The following NAV3 variants were observed in gnomAD, a reference collection of about 807,000 sequenced individuals.
NAV3 encodes neuron navigator 3, also known as pore membrane and/or filament interacting like protein 1.
A neutral mutation model predicts 244.7 loss-of-function variants in NAV3; 87 were observed. That is an observed-to-expected ratio of 0.36 (90% CI 0.30 to 0.42). The LOEUF (loss-of-function observed/expected upper bound fraction) is 0.42, where lower values mean the gene tolerates loss of function less well. Ranked by LOEUF, NAV3 falls within the 20% of genes least tolerant of loss-of-function variation. NAV3 has a pLI of 1.00. For synonymous variants in NAV3, 1,126 were observed against 1,042.2 expected (o/e 1.08, Z -1.55); for missense variants, 2,663 against 2,893.3 (o/e 0.92, Z 1.83).
intron 2 of NAV3, among the ~76,000 whole-genome samples, chr12:77,715,451 A>T (rs929279735): frequency 6.6e-5 from 10 of 151,962 alleles, no homozygotes; most frequent in Non-Finnish European, 1.5e-5. Context: ...ACAAATGTTT[A>T]TTTATATATA....
chr12:77,692,118 G>A (rs945221722), intron 2 of NAV3, among the ~76,000 whole-genome samples: 2 of 151,864 alleles, frequency 1.3e-5, no homozygotes, highest in Non-Finnish European at 2.9e-5. Flanking sequence ...GTTTATAATC[G>A]TTGTGCAATA....
chr12:77,747,486 G>A (rs1191879946), intron 2 of NAV3, among the ~76,000 whole-genome samples: 1 of 152,130 alleles, frequency 6.6e-6, no homozygotes, highest in African/African-American at 2.4e-5. Flanking sequence ...GATTCCTCAG[G>A]GATGTAGAAC....
At chr12:77,824,241 A>ATTTTTTTTTTTTTTTTTTTT (rs61710960) in intron 2 of NAV3, among the ~76,000 whole-genome samples, 10 of 104,902 alleles carry the variant, frequency 9.5e-5, no homozygotes, top group Non-Finnish European at 1.3e-4. Context: ...GCCCAACTAA[A>ATTTTTTTTTTTTTTTTTTTT]TTTTTTTTTT....
At chr12:77,925,756 A>G (rs1170297403) in intron 1 of NAV3, among the ~76,000 whole-genome samples, 1 of 152,168 alleles carries the variant, frequency 6.6e-6, no homozygotes, top group East Asian at 1.9e-4. Flanking sequence ...AGAGACACCA[A>G]CTGCAGAAAG....
chr12:77,667,484 C>T (rs1404359438), intron 2 of NAV3, among the ~76,000 whole-genome samples: 1 of 151,996 alleles, frequency 6.6e-6, no homozygotes, highest in East Asian at 1.9e-4. Context: ...TTGTGGCTTC[C>T]CCCCACTTCC....
chr12:77,686,445 T>A (rs1217903072), intron 2 of NAV3, among the ~76,000 whole-genome samples: 2 of 142,650 alleles, frequency 1.4e-5, no homozygotes, highest in African/African-American at 5.6e-5. Flanking sequence ...TTTTTTTTTT[T>A]TTAAAAACAG....
intron 2 of NAV3, among the ~76,000 whole-genome samples, chr12:77,654,676 C>A (rs1263670424): frequency 2.0e-5 from 3 of 152,152 alleles, no homozygotes; most frequent in South Asian, 2.1e-4. Flanking sequence ...TGACCCCTGA[C>A]CCCTGAGCAG....
chr12:77,847,607 A>G (rs1275621712), intron 1 of NAV3, among the ~76,000 whole-genome samples: 2 of 152,228 alleles, frequency 1.3e-5, no homozygotes, highest in Non-Finnish European at 2.9e-5. Flanking sequence ...TTAATTCTGT[A>G]TAACATTTTC....
intron 2 of NAV3, among the ~76,000 whole-genome samples, chr12:77,665,184 C>A (rs1381454748): frequency 1.3e-5 from 2 of 152,162 alleles, no homozygotes; most frequent in Non-Finnish European, 2.9e-5. Context: ...CTGAAAAAAG[C>A]ATGTAGGTGC....
intron 2 of NAV3, among the ~76,000 whole-genome samples, chr12:77,689,613 G>A (rs1210567007): frequency 3.3e-5 from 5 of 151,814 alleles, no homozygotes; most frequent in East Asian, 3.9e-4. Flanking sequence ...TTCTCTGAAA[G>A]CTGATTGTAG....
chr12:78,190,422 TCAGGTAC>T (rs1958922677), intron 34 of NAV3, among the ~76,000 whole-genome samples: 1 of 152,008 alleles, frequency 6.6e-6, no homozygotes, highest in Non-Finnish European at 1.5e-5. Context: ...CATTCAGTTA[TCAGGTAC>T]TCCCTAAGAT....
At chr12:77,708,983 A>G (rs2137240622) in intron 2 of NAV3, among the ~76,000 whole-genome samples, 1 of 152,154 alleles carries the variant, frequency 6.6e-6, no homozygotes, top group Non-Finnish European at 1.5e-5. Context: ...GGTTTTCTAA[A>G]TATACAATCA....
intron 2 of NAV3, among the ~76,000 whole-genome samples, chr12:77,720,692 A>G (rs941846719): frequency 5.3e-5 from 8 of 152,116 alleles, no homozygotes; most frequent in African/African-American, 1.9e-4. Context: ...CACTTGTTCC[A>G]TGTGGAGCCA....
chr12:77,881,565 G>A (rs1196992045), intron 1 of NAV3, among the ~76,000 whole-genome samples: 2 of 152,056 alleles, frequency 1.3e-5, no homozygotes, highest in Non-Finnish European at 2.9e-5. Context: ...GCATATTATT[G>A]GAAGTCCTAG....
chr12:77,743,477 G>A (rs1380710280), intron 2 of NAV3, among the ~76,000 whole-genome samples: 1 of 151,708 alleles, frequency 6.6e-6, no homozygotes, highest in Non-Finnish European at 1.5e-5. Context: ...AAAAACATAT[G>A]TCCACACTAA....
chr12:78,210,579 T>G lies in NAV3; in HGVS notation c.*62T>G. On this transcript the variant is annotated 3_prime_UTR_variant, in exon 40 of 40. Coordinates refer to ENST00000397909, the MANE Select transcript of NAV3 (RefSeq NM_001024383.2). Reference sequence around the variant, plus strand: ...AAAAAAATGTTTCAAAAGAAAGGTATTTTCACTAAACCACTGCCAGTATAA... The same window carrying G: ...AAAAAAATGTTTCAAAAGAAAGGTAGTTTCACTAAACCACTGCCAGTATAA... 6.3e-7 allele frequency: 1 copy of G among 1,584,024 alleles called. No homozygotes were observed. Among genetic ancestry groups the G allele is most frequent in the Non-Finnish European group, 8.6e-7 (1 of 1,164,606 alleles).
chr12:77,713,393 G>T (rs1876214263), intron 2 of NAV3, among the ~76,000 whole-genome samples: 1 of 151,950 alleles, frequency 6.6e-6, no homozygotes, highest in African/African-American at 2.4e-5. Context: ...TTTCAAATTT[G>T]GTTTTATACT....
intron 20 of NAV3, chr12:78,143,321 T>G (rs1357211073): frequency 2.2e-6 from 1 of 453,218 alleles, no homozygotes. Context: ...GGCAAACTTA[T>G]GGTTTTTGTG....
chr12:77,724,097 CAT>C (rs1876768716), intron 2 of NAV3, among the ~76,000 whole-genome samples: 1 of 151,742 alleles, frequency 6.6e-6, no homozygotes, highest in African/African-American at 2.4e-5. Context: ...AAGTATATAA[CAT>C]ATTCTAGATG....
Sources: gnomAD v4.1 joint callset for allele counts (sites outside exome capture counted in the v4.1 genomes callset) on GRCh38, gnomAD v4.1.1 for gene constraint, MANE v1.5 for transcripts, NCBI Gene and HGNC (gene_info 2026-07-23, HGNC 2026-07-21) for gene names.